The following NEDD4L variants were observed in gnomAD, a reference collection of about 807,000 sequenced individuals.
NEDD4L encodes NEDD4 like E3 ubiquitin protein ligase, also known as E3 ubiquitin-protein ligase NEDD4-like.
A neutral mutation model predicts 148.9 loss-of-function variants in NEDD4L; 54 were observed. The observed-to-expected ratio is 0.36, with a 90% CI of 0.29 to 0.45. The LOEUF is 0.45. Among genes scored for constraint, NEDD4L ranks in the 20% least tolerant of loss-of-function variants. The pLI is 1.00. For missense variants in NEDD4L, 856 were observed against 1,233.8 expected (o/e 0.69, Z 4.59); for synonymous variants, 433 against 440.7 (o/e 0.98, Z 0.22).
At chr18:58,347,400 C>G (rs577351445) in intron 16 of NEDD4L, among the ~76,000 whole-genome samples, 1 of 152,110 alleles carries the variant, frequency 6.6e-6, no homozygotes, top group Non-Finnish European at 1.5e-5. Context: ...AGGTGGAAGC[C>G]CAAGGGTCCC....
chr18:58,221,547 A>G (rs1039989898), intron 2 of NEDD4L: 1 of 985,304 alleles, frequency 1.0e-6, no homozygotes, highest in African/African-American at 1.7e-5. Context: ...CAGTATAAGT[A>G]GCGAGCTGGG....
In NEDD4L at chr18:58,156,553, G is replaced by A. The variant is rs558274046; in HGVS notation, c.49-9235G>A. On this transcript the variant is annotated intron_variant, in intron 1 of 30. Transcript: ENST00000400345. ...CCTTCTAAAATCACAATGTCCCTGA[G>A]TTGGGAAGGAACATCAGGGGCTATC... is the stretch of plus-strand genomic sequence containing the variant. Among the ~76,000 whole-genome samples, 3 of 152,256 alleles carry A rather than the reference G, an allele frequency of 2.0e-5. No homozygotes were observed. The South Asian group carries it at 6.2e-4, about 32-fold the overall frequency.
chr18:58,335,583 C>A, intron 13 of NEDD4L, 46 bp downstream of exon 13: 4 of 1,445,254 alleles, frequency 2.8e-6, no homozygotes, highest in Non-Finnish European at 3.9e-6. Flanking sequence ...GGCCGTGAGG[C>A]AGTTTTAATA....
At chr18:58,219,368 G>A (rs1450702189) in intron 2 of NEDD4L, among the ~76,000 whole-genome samples, 1 of 152,116 alleles carries the variant, frequency 6.6e-6, no homozygotes. Context: ...TGGTTATGGG[G>A]GAATGGTTAT....
At chr18:58,201,014 C>T (rs368947514) in intron 2 of NEDD4L, among the ~76,000 whole-genome samples, 48 of 152,232 alleles carry the variant, frequency 3.2e-4, no homozygotes, top group African/African-American at 1.1e-3. Context: ...TGTATTCTTG[C>T]TCAGTGTGTG....
chr18:58,255,368 G>T, intron 5 of NEDD4L: 1 of 427,492 alleles, frequency 2.3e-6, no homozygotes, highest in Non-Finnish European at 3.7e-6. Flanking sequence ...TCCAGAAGCT[G>T]GCATTGGAGG....
chr18:58,375,498 C>G (rs995847826), intron 24 of NEDD4L, among the ~76,000 whole-genome samples: 2 of 152,188 alleles, frequency 1.3e-5, no homozygotes, highest in African/African-American at 4.8e-5. Flanking sequence ...ACCTACCCCC[C>G]TCTGGCATTA....
chr18:58,331,714 A>G (rs1400525643), intron 11 of NEDD4L, among the ~76,000 whole-genome samples: 2 of 152,252 alleles, frequency 1.3e-5, no homozygotes, highest in African/African-American at 2.4e-5. Context: ...TACAATAGTA[A>G]ATGATGATAG....
At chr18:58,332,324 C>T (rs1478172609) in intron 11 of NEDD4L, among the ~76,000 whole-genome samples, 1 of 152,134 alleles carries the variant, frequency 6.6e-6, no homozygotes. Flanking sequence ...GATATTTGCT[C>T]ATTGGGATTA....
At chr18:58,157,959 T>C (rs1464520883) in intron 1 of NEDD4L, among the ~76,000 whole-genome samples, 1 of 152,246 alleles carries the variant, frequency 6.6e-6, no homozygotes, top group Non-Finnish European at 1.5e-5. Flanking sequence ...AAGCAACAGA[T>C]ATTTATTATC....
chr18:58,131,761 C>T (rs1465358434), intron 1 of NEDD4L, among the ~76,000 whole-genome samples: 4 of 152,004 alleles, frequency 2.6e-5, no homozygotes, highest in Admixed American at 1.3e-4. Flanking sequence ...TGGTGGATCC[C>T]AGGAGCTGCT....
chr18:58,158,602 CCA>C (rs1174538400), intron 1 of NEDD4L, among the ~76,000 whole-genome samples: 2 of 152,168 alleles, frequency 1.3e-5, no homozygotes, highest in African/African-American at 2.4e-5. Context: ...GCACAGAATC[CCA>C]CAGTCTTTTC....
chr18:58,353,073 T>C (rs1394170398), intron 18 of NEDD4L, among the ~76,000 whole-genome samples: 1 of 152,196 alleles, frequency 6.6e-6, no homozygotes, highest in Non-Finnish European at 1.5e-5. Flanking sequence ...TAGGAAGTTG[T>C]TGTGCTTGAT....
At chr18:58,073,158 G>A (rs1215515556) in intron 1 of NEDD4L, among the ~76,000 whole-genome samples, 1 of 151,792 alleles carries the variant, frequency 6.6e-6, no homozygotes, top group Non-Finnish European at 1.5e-5. Context: ...TGTTAATACG[G>A]CCAATACTCC....
intron 1 of NEDD4L, among the ~76,000 whole-genome samples, chr18:58,070,491 G>GT (rs1474193686): frequency 2.6e-4 from 39 of 151,898 alleles, no homozygotes; most frequent in Admixed American, 2.5e-3. Context: ...GGCTCAAACA[G>GT]TTTTTTTAAA....
At chr18:58,370,256 T>G (rs2075404) in intron 22 of NEDD4L, 141 bp from the exon 23 acceptor site, 1 of 633,660 alleles carries the variant, frequency 1.6e-6, no homozygotes, top group Admixed American at 2.5e-5. Context: ...CCTCCTCGCT[T>G]GTGCAATACT....
rs138506204 is a variant in NEDD4L, at chr18:58,390,939, G to A, written c.2752+197G>A. 2.0e-3 allele frequency among the ~76,000 whole-genome samples: 305 copies of A among 151,760 alleles called. 2 individuals carry two copies. Among genetic ancestry groups the A allele is most frequent in the African/African-American group, 7.0e-3 (291 of 41,368 alleles). On this transcript the variant is annotated intron_variant, in intron 29 of 30. Coordinates refer to ENST00000400345, the MANE Select transcript of NEDD4L (RefSeq NM_001144967.3). ...ATAGATAACATGGTGCTTCTACTTC[G>A]AGGGATTGGGGGGCAGTTTGTGAAG...
intron 2 of NEDD4L, among the ~76,000 whole-genome samples, chr18:58,232,980 C>G (rs575859996): frequency 6.6e-6 from 1 of 152,252 alleles, no homozygotes; most frequent in South Asian, 2.1e-4. Context: ...ATCCACGATC[C>G]TTTACCTGCC....
At chr18:58,205,895 C>T (rs2041933854) in intron 2 of NEDD4L, among the ~76,000 whole-genome samples, 1 of 152,160 alleles carries the variant, frequency 6.6e-6, no homozygotes, top group South Asian at 2.1e-4. Context: ...TTCCTCTGTG[C>T]TGTTCTTCTG....
Sources: gnomAD v4.1 joint callset for allele counts (sites outside exome capture counted in the v4.1 genomes callset) on GRCh38, gnomAD v4.1.1 for gene constraint, MANE v1.5 for transcripts, NCBI Gene and HGNC (gene_info 2026-07-23, HGNC 2026-07-21) for gene names.